OR3A2: variants seen among roughly 807,000 people sequenced by gnomAD.
OR3A2 encodes the protein olfactory receptor family 3 subfamily A member 2.
For missense variants in OR3A2, 318 were observed against 392.8 expected, an observed-to-expected ratio of 0.81 and a Z score of 1.61; for synonymous variants, 126 against 159.3, an observed-to-expected ratio of 0.79 and a Z score of 1.57.
intron 3 of OR3A2, among the ~76,000 whole-genome samples, chr17:3,313,141 C>A (rs1286701107): frequency 1.3e-5 from 2 of 152,160 alleles, no homozygotes; most frequent in African/African-American, 4.8e-5. Flanking sequence ...GAATCATAGT[C>A]AATTTCGTGC....
chr17:3,345,729 T>C (rs1431664092), intron 2 of OR3A2, among the ~76,000 whole-genome samples: 1 of 152,060 alleles, frequency 6.6e-6, no homozygotes, highest in East Asian at 1.9e-4. Context: ...CCCAAAGTTT[T>C]AACATCTGAA....
intron 1 of OR3A2, among the ~76,000 whole-genome samples, chr17:3,283,015 C>T (rs928580506): frequency 7.2e-4 from 103 of 143,964 alleles, no homozygotes; most frequent in African/African-American, 2.7e-3. Context: ...TTCTGCTCTC[C>T]TCTTCTGTCT....
At chr17:3,277,718 G>A (rs995149075) in exon 2 of OR3A2, 6 of 437,784 alleles carry the variant, frequency 1.4e-5, no homozygotes, top group Non-Finnish European at 2.4e-5. Flanking sequence ...TGAGTTGCAT[G>A]AGTGCAGAGA....
chr17:3,354,241 GTTTGAATAGGA>G (rs1212270430), intron 2 of OR3A2, among the ~76,000 whole-genome samples: 1 of 151,248 alleles, frequency 6.6e-6, no homozygotes, highest in Non-Finnish European at 1.5e-5. Flanking sequence ...TTTTGGAACA[GTTTGAATAGGA>G]TTTGTATTAG....
At chr17:3,341,946 G>A (rs2049322460) in intron 2 of OR3A2, among the ~76,000 whole-genome samples, 1 of 152,124 alleles carries the variant, frequency 6.6e-6, no homozygotes, top group Non-Finnish European at 1.5e-5. Flanking sequence ...CATATTTCTT[G>A]AAGGCTTTGT....
chr17:3,342,035 C>T (rs1740625853), intron 2 of OR3A2, among the ~76,000 whole-genome samples: 1 of 152,188 alleles, frequency 6.6e-6, no homozygotes, highest in Admixed American at 6.5e-5. Context: ...CACTAATACT[C>T]TTTCTTCCAC....
At chr17:3,316,221 T>C (rs12952955) in intron 3 of OR3A2, among the ~76,000 whole-genome samples, 5,987 of 152,296 alleles carry the variant, frequency 0.039, 241 homozygotes, top group African/African-American at 0.097. Context: ...TTCCTGACAC[T>C]AAAAGAAACT....
At chr17:3,343,412 T>A (rs2049337182) in intron 2 of OR3A2, among the ~76,000 whole-genome samples, 1 of 152,140 alleles carries the variant, frequency 6.6e-6, no homozygotes, top group Non-Finnish European at 1.5e-5. Context: ...TATATGAAAT[T>A]CTAATGCAAA....
rs375694326 is a variant in OR3A2 at position 3,372,152 on chromosome 17, C to T, written c.-179+11652G>A. Among the ~76,000 whole-genome samples the T allele has an allele frequency of 4.9e-3, 742 of 150,478 alleles. 11 individuals carry two copies. Among genetic ancestry groups the T allele is most frequent in the African/African-American group, 0.017 (695 of 40,694 alleles). The stretch of plus-strand genomic sequence containing the variant: ...GCTCCTCACCTCCCAGACAGGGTCG[C>T]GGCCGGGTAGAGGTGCTCCTCACAT... On this transcript the variant is annotated intron_variant, in intron 2 of 4. Transcript: ENST00000573491.
intron 2 of OR3A2, among the ~76,000 whole-genome samples, chr17:3,378,456 G>A (rs2049703812): frequency 6.6e-6 from 1 of 152,194 alleles, no homozygotes; most frequent in African/African-American, 2.4e-5. Flanking sequence ...AAGCCCGTGG[G>A]GGCAGGGGGC....
intron 2 of OR3A2, among the ~76,000 whole-genome samples, chr17:3,350,210 C>T (rs868295506): frequency 7.9e-5 from 12 of 151,754 alleles, no homozygotes; most frequent in South Asian, 2.1e-4. Flanking sequence ...AATAGAGACA[C>T]AAAAAACCCT....
intron 2 of OR3A2, among the ~76,000 whole-genome samples, chr17:3,362,936 C>A (rs556025833): frequency 2.0e-5 from 3 of 151,990 alleles, no homozygotes; most frequent in South Asian, 4.1e-4. Context: ...GTACCTTGGC[C>A]CCTTTTAGCC....
At chr17:3,305,908 G>T (rs568751150) in intron 3 of OR3A2, among the ~76,000 whole-genome samples, 1 of 152,212 alleles carries the variant, frequency 6.6e-6, no homozygotes, top group African/African-American at 2.4e-5. Context: ...TGTAGGGAGG[G>T]AGCATGTCTG....
chr17:3,324,302 G>A (rs879449778), intron 3 of OR3A2, among the ~76,000 whole-genome samples: 7 of 151,818 alleles, frequency 4.6e-5, no homozygotes, highest in Non-Finnish European at 7.4e-5. Flanking sequence ...CCATTGGTTC[G>A]AACTTCCTCC....
rs1257788442 is a variant in OR3A2 at position 3,319,304 on chromosome 17, G to C, written c.-85+16729C>G. On this transcript the variant is annotated intron_variant, in intron 3 of 4. Coordinates refer to the OR3A2 transcript ENST00000573491. ...CTAGGCAGTAAATATTTTAGGCATTGGGGGCCACATATATCTCTCTTGCTG... is the reference window on the plus strand; with the variant it reads ...CTAGGCAGTAAATATTTTAGGCATTCGGGGCCACATATATCTCTCTTGCTG... Among the ~76,000 whole-genome samples the C allele has an allele frequency of 1.4e-4, 22 of 151,820 alleles. 1 individual carries two copies. The highest frequency in any genetic ancestry group is 1.4e-3 in the Admixed American group (22 of 15,226).
chr17:3,315,248 T>C (rs1734415982), intron 3 of OR3A2, among the ~76,000 whole-genome samples: 1 of 152,222 alleles, frequency 6.6e-6, no homozygotes, highest in African/African-American at 2.4e-5. Flanking sequence ...TTTAAGTTCT[T>C]TGAGAAATCT....
chr17:3,286,018 A>T (rs1329378522), upstream of OR3A2, among the ~76,000 whole-genome samples: 1 of 152,100 alleles, frequency 6.6e-6, no homozygotes, highest in Admixed American at 6.5e-5. Context: ...TGCACCCATC[A>T]ACCTGTCTTC....
exon 2 of OR3A2, chr17:3,278,346 G>A: frequency 6.2e-7 from 1 of 1,614,238 alleles, no homozygotes; most frequent in Non-Finnish European, 8.5e-7. Flanking sequence ...GCTGGAGCAG[G>A]AGAGCTGGAA....
Position 3,284,355 on chromosome 17 carries a change from C to G in OR3A2, c.-7+3G>C, listed in dbSNP as rs563825130. ...CAGAGGAAGGACTCAGGAGAACACT[C>G]ACCCTGGCAAGGGCACGGAAGCCAC... is the stretch of plus-strand genomic sequence containing the variant. On this transcript the variant is annotated splice_donor_region_variant and intron_variant, in intron 1 of 1. Coordinates refer to ENST00000642052, the Ensembl canonical transcript of OR3A2. 1 of 152,204 alleles carries G rather than the reference C, an allele frequency of 6.6e-6. No individual in the cohort carries two copies. Among genetic ancestry groups the G allele is most frequent in the Non-Finnish European group, 1.5e-5 (1 of 68,172 alleles). The allele number at this position is 152,204 out of a possible 1,614,324, so 9.4% of individuals were successfully genotyped here. A position where few individuals can be genotyped will look rare whatever the true frequency, so the allele number is the denominator to read the frequency against.
Sources: allele counts gnomAD v4.1 joint callset (sites outside exome capture counted in the v4.1 genomes callset), GRCh38; gene constraint gnomAD v4.1.1; transcripts MANE v1.5; gene names NCBI Gene and HGNC (gene_info 2026-07-23, HGNC 2026-07-21).